Variants in NUP160 observed in about 807,000 individuals in gnomAD.
NUP160 encodes nuclear pore complex protein Nup160.
In NUP160, 94 loss-of-function variants were observed where a neutral mutation model predicts 196.9. That is an observed-to-expected ratio of 0.48 (90% CI 0.40 to 0.57). NUP160 has a LOEUF of 0.57. Among genes scored for constraint, NUP160 ranks in the 20% least tolerant of loss-of-function variants. The probability of loss-of-function intolerance (pLI) is 0.00; values close to 1 mark genes in which losing one functional copy is unlikely to be tolerated. For synonymous variants in NUP160, 605 were observed against 619.7 expected (o/e 0.98, Z 0.35); for missense variants, 1,638 against 1,748.3 (o/e 0.94, Z 1.13).
At position 47,783,149 on chromosome 11, in the gene NUP160, A is replaced by T; in HGVS notation, c.4040T>A (p.Leu1347Ter). ...TGACACCAAATCCACAGCTTCTTCT[A>T]AAAGGTCATAGTTTAAGTATAAACG... The change falls in exon 34 of 36, where the codon TTA becomes TAA. Residue 1347 changes from leucine (L) to a stop codon, truncating the protein, a stop_gained. Transcript: ENST00000378460. LOFTEE classifies it high-confidence loss of function. 6.2e-7 allele frequency: 1 copy of T among 1,613,930 alleles called. No individual in the cohort carries two copies. The highest frequency in any genetic ancestry group is 8.5e-7 in the Non-Finnish European group (1 of 1,179,902).
intron 23 of NUP160, 88 bp downstream of exon 23, chr11:47,801,723 A>T: frequency 8.2e-7 from 1 of 1,213,476 alleles, no homozygotes; most frequent in Non-Finnish European, 1.2e-6. Flanking sequence ...GAATTTTTAT[A>T]GTATTTTTCT....
chr11:47,794,834 C>T (rs2097669949), intron 27 of NUP160, among the ~76,000 whole-genome samples: 1 of 151,754 alleles, frequency 6.6e-6, no homozygotes, highest in South Asian at 2.1e-4. Context: ...ATCGCTTGAA[C>T]CTGGGAAGGC....
chr11:47,787,875 G>A (rs1210116437), intron 31 of NUP160, among the ~76,000 whole-genome samples: 1 of 151,922 alleles, frequency 6.6e-6, no homozygotes, highest in Non-Finnish European at 1.5e-5. Context: ...CCGCCACCAC[G>A]CCCGACTAAT....
intron 17 of NUP160, 106 bp downstream of exon 17, chr11:47,811,958 C>G (rs1741246159): frequency 2.0e-6 from 2 of 977,524 alleles, no homozygotes; most frequent in Admixed American, 5.1e-5. Context: ...AGCAGTGAAC[C>G]AAGACAAAAG....
At chr11:47,782,003 G>A (rs889043671) in intron 34 of NUP160, among the ~76,000 whole-genome samples, 1 of 151,942 alleles carries the variant, frequency 6.6e-6, no homozygotes, top group Admixed American at 6.6e-5. Context: ...TGCCTAGGCC[G>A]GGCATGGTGG....
chr11:47,792,879 C>T (rs1565189325), exon 28 of NUP160: 1 of 1,614,142 alleles, frequency 6.2e-7, no homozygotes, highest in Non-Finnish European at 8.5e-7. Flanking sequence ...TGCCTTGTTT[C>T]TCAAGTCCCC....
intron 13 of NUP160, chr11:47,815,274 G>A (rs1599328440): frequency 1.5e-5 from 6 of 396,708 alleles, no homozygotes; most frequent in East Asian, 1.1e-4. Context: ...AAAAAGTATA[G>A]AGAATAACAC....
intron 20 of NUP160, 50 bp downstream of exon 20, chr11:47,806,103 C>A (rs749016164): frequency 1.3e-6 from 2 of 1,578,524 alleles, no homozygotes; most frequent in East Asian, 2.2e-5. Context: ...TGTGAGCCAA[C>A]ATGCCCGGCC....
intron 21 of NUP160, chr11:47,804,184 A>T: frequency 1.3e-5 from 1 of 78,868 alleles, no homozygotes; most frequent in Non-Finnish European, 3.3e-5. Context: ...CCGTTTCAGG[A>T]AAAAAAAAAA....
chr11:47,845,725 G>C (rs1852388491), intron 2 of NUP160, among the ~76,000 whole-genome samples: 1 of 152,176 alleles, frequency 6.6e-6, no homozygotes, highest in South Asian at 2.1e-4. Context: ...TTTCTTAAAA[G>C]AGATGGGGTC....
intron 17 of NUP160, among the ~76,000 whole-genome samples, chr11:47,810,047 A>C (rs1217141699): frequency 2.0e-5 from 3 of 152,120 alleles, no homozygotes; most frequent in Non-Finnish European, 1.5e-5. Context: ...AAAAATTGAC[A>C]AAAGTTATAA....
exon 28 of NUP160, chr11:47,792,888 C>G: frequency 6.2e-7 from 1 of 1,614,078 alleles, no homozygotes; most frequent in Non-Finnish European, 8.5e-7. Flanking sequence ...TCTCAAGTCC[C>G]CGGAGAGTTC....
chr11:47,822,191 T>C (rs1380708134), intron 7 of NUP160, 27 bp from the exon 8 acceptor site: 1 of 1,417,986 alleles, frequency 7.1e-7, no homozygotes, highest in African/African-American at 1.4e-5. Flanking sequence ...TGATCATTTA[T>C]TACCTGAAAT....
At position 47,836,884 on chromosome 11, in the gene NUP160, T is replaced by TA. The variant is rs1350806736; in HGVS notation, c.942+2dup. The TA allele has an allele frequency of 1.3e-6, 2 of 1,535,354 alleles. No homozygotes were observed. Among genetic ancestry groups the TA allele is most frequent in the Non-Finnish European group, 1.8e-6 (2 of 1,108,906 alleles). Reference sequence around the variant, plus strand: ...TTACAGCAACTATAAATGTAGCACTTACCTTGTAAGACCACATTCGTAGTT... The same window carrying TA: ...TTACAGCAACTATAAATGTAGCACTTAACCTTGTAAGACCACATTCGTAGTT... On this transcript the variant is annotated splice_region_variant and intron_variant, in intron 6 of 35. Transcript: ENST00000378460.
chr11:47,830,677 A>G (rs1416289512), intron 7 of NUP160, among the ~76,000 whole-genome samples: 1 of 152,164 alleles, frequency 6.6e-6, no homozygotes, highest in Admixed American at 6.5e-5. Flanking sequence ...GAACACGAAG[A>G]AGGAAACAAC....
chr11:47,821,443 C>T (rs538354026), intron 9 of NUP160: 103 of 296,146 alleles, frequency 3.5e-4, no homozygotes, highest in African/African-American at 2.2e-3. Flanking sequence ...CTGCAATCTC[C>T]GCCTCCTGGG....
At chr11:47,800,373 T>C (rs972095403) in intron 23 of NUP160, among the ~76,000 whole-genome samples, 1 of 151,870 alleles carries the variant, frequency 6.6e-6, no homozygotes, top group African/African-American at 2.4e-5. Flanking sequence ...TTGTCATTAG[T>C]AGGAAAGTAG....
chr11:47,806,852 C>CACATATAT (rs1428564239), intron 19 of NUP160, among the ~76,000 whole-genome samples: 1 of 124,252 alleles, frequency 8.0e-6, no homozygotes, highest in African/African-American at 3.2e-5. Context: ...CACACACACA[C>CACATATAT]ATATATATAC....
intron 22 of NUP160, among the ~76,000 whole-genome samples, chr11:47,803,098 G>A (rs1389140662): frequency 1.3e-4 from 20 of 150,778 alleles, no homozygotes; most frequent in African/African-American, 1.9e-4. Context: ...TGGGAGGATC[G>A]CTTGAGTCCA....
Sources: allele counts gnomAD v4.1 joint callset (sites outside exome capture counted in the v4.1 genomes callset), GRCh38; gene constraint gnomAD v4.1.1; transcripts MANE v1.5; gene names NCBI Gene and HGNC (gene_info 2026-07-23, HGNC 2026-07-21).